The following ATG7 variants were observed in gnomAD, a reference collection of about 807,000 sequenced individuals.
ATG7 encodes the protein ubiquitin-like modifier-activating enzyme ATG7.
A neutral mutation model predicts 82.4 loss-of-function variants in ATG7; 70 were observed. The observed-to-expected ratio is 0.85, with a 90% CI of 0.70 to 1.04. The LOEUF (loss-of-function observed/expected upper bound fraction) is 1.04. Ranked by LOEUF, ATG7 falls within the 50% of genes least tolerant of loss-of-function variation. The pLI, the probability that ATG7 is intolerant of heterozygous loss-of-function variation, is 0.00. For missense variants in ATG7, 792 were observed against 864.3 expected (o/e 0.92, Z 1.05); for synonymous variants, 287 against 313.0 (o/e 0.92, Z 0.88).
intron 19 of ATG7, among the ~76,000 whole-genome samples, chr3:11,382,559 G>A (rs934437947): frequency 2.6e-5 from 4 of 152,194 alleles, no homozygotes; most frequent in Non-Finnish European, 4.4e-5. Context: ...TTTCTAAACA[G>A]ATGGTATTTG....
At chr3:11,303,917 CAAAAAAA>C (rs55893689) in intron 5 of ATG7, among the ~76,000 whole-genome samples, 3 of 75,890 alleles carry the variant, frequency 4.0e-5, no homozygotes, top group African/African-American at 1.5e-4. Flanking sequence ...ACTAAAAATG[CAAAAAAA>C]AAAAAAAAAA....
intron 18 of ATG7, among the ~76,000 whole-genome samples, chr3:11,369,894 C>T (rs1575765687): frequency 6.6e-6 from 1 of 151,200 alleles, no homozygotes; most frequent in East Asian, 1.9e-4. Flanking sequence ...TCATACAGAT[C>T]TGATTAGAAC....
Position 11,555,588 on chromosome 3 carries a change from G to A in ATG7, c.*745G>A, listed in dbSNP as rs2072327691. 1 of 152,240 alleles carries A rather than the reference G, an allele frequency of 6.6e-6. No homozygotes were observed. The highest frequency in any genetic ancestry group is 1.5e-5 in the Non-Finnish European group (1 of 68,206). 9.4% of individuals were successfully genotyped at this position (152,240 alleles called of 1,614,324 possible). A position where few individuals can be genotyped will look rare whatever the true frequency, so the allele number is the denominator to read the frequency against. The stretch of plus-strand genomic sequence containing the variant: ...GCAGATCCTGGCAGCTGCCTGGATG[G>A]GGCTCCTCCCTGCCCTTATGAGCAG... On this transcript the variant is annotated 3_prime_UTR_variant, in exon 21 of 21. Coordinates refer to ENST00000693202, the MANE Select transcript of ATG7 (RefSeq NM_001349232.2).
In ATG7 at chr3:11,555,631, C is replaced by G. The variant is rs963437664; in HGVS notation, c.*788C>G. The G allele has an allele frequency of 6.6e-6, 1 of 152,120 alleles. No individual in the cohort carries two copies. The highest frequency in any genetic ancestry group is 1.5e-5 in the Non-Finnish European group (1 of 68,062). The allele number at this position is 152,120 out of a possible 1,614,324, so 9.4% of individuals were successfully genotyped here. A position where few individuals can be genotyped will look rare whatever the true frequency, so the allele number is the denominator to read the frequency against. On this transcript the variant is annotated 3_prime_UTR_variant, in exon 21 of 21. Coordinates refer to ENST00000693202, the MANE Select transcript of ATG7 (RefSeq NM_001349232.2). ...ATGAGCAGGCCAGGCCCAGAAAGGCCGAGCCTGGGCTGCCTTCCTGCCCCA... is the reference window on the plus strand; with the variant it reads ...ATGAGCAGGCCAGGCCCAGAAAGGCGGAGCCTGGGCTGCCTTCCTGCCCCA...
chr3:11,423,370 G>A (rs190663608), intron 19 of ATG7, among the ~76,000 whole-genome samples: 3 of 152,194 alleles, frequency 2.0e-5, no homozygotes, highest in African/African-American at 7.2e-5. Flanking sequence ...TTGAAATATT[G>A]TGAGAATTAC....
chr3:11,505,010 A>G (rs138511862), intron 20 of ATG7, among the ~76,000 whole-genome samples: 294 of 152,344 alleles, frequency 1.9e-3, no homozygotes, highest in African/African-American at 6.6e-3. Context: ...GAAAAGATCG[A>G]GAAGTCAAGA....
At chr3:11,452,918 A>C (rs560533621) in intron 20 of ATG7, among the ~76,000 whole-genome samples, 1 of 152,236 alleles carries the variant, frequency 6.6e-6, no homozygotes, top group Non-Finnish European at 1.5e-5. Context: ...ATTGTGTGCC[A>C]GTTCCTATCT....
intron 19 of ATG7, among the ~76,000 whole-genome samples, chr3:11,418,369 C>G (rs1047103194): frequency 3.3e-5 from 5 of 151,948 alleles, no homozygotes; most frequent in Admixed American, 1.3e-4. Flanking sequence ...TATCTCAGCT[C>G]CCCCAAAGTG....
At chr3:11,528,494 A>T (rs1015532144) in intron 20 of ATG7, among the ~76,000 whole-genome samples, 2 of 152,204 alleles carry the variant, frequency 1.3e-5, no homozygotes, top group Non-Finnish European at 2.9e-5. Flanking sequence ...ACAGTCTGAC[A>T]TAGAGTCTAC....
intron 20 of ATG7, among the ~76,000 whole-genome samples, chr3:11,436,830 C>G (rs1346522246): frequency 6.6e-6 from 1 of 152,136 alleles, no homozygotes; most frequent in Non-Finnish European, 1.5e-5. Flanking sequence ...ATTGTAGGAT[C>G]TCATTTATGT....
chr3:11,467,830 C>G (rs1371973290), intron 20 of ATG7, among the ~76,000 whole-genome samples: 1 of 152,236 alleles, frequency 6.6e-6, no homozygotes, highest in African/African-American at 2.4e-5. Flanking sequence ...CTTTATATGT[C>G]TTGCCTAACA....
chr3:11,299,759 G>A (rs143619900), intron 5 of ATG7, among the ~76,000 whole-genome samples: 5 of 152,092 alleles, frequency 3.3e-5, no homozygotes, highest in African/African-American at 7.2e-5. Flanking sequence ...TAGTCCATGG[G>A]CATTGTCCAT....
At chr3:11,334,354 C>T (rs1006802613) in intron 11 of ATG7, among the ~76,000 whole-genome samples, 7 of 151,962 alleles carry the variant, frequency 4.6e-5, no homozygotes, top group Non-Finnish European at 1.0e-4. Context: ...AAGTGATTCT[C>T]CCTCCTCGGC....
At position 11,519,539 on chromosome 3, in the gene ATG7, GTTTTTTTTTTTTTTTTTTTTTTTT is replaced by G. The variant is rs574523805; in HGVS notation, c.2080-35257_2080-35234del. On this transcript the variant is annotated intron_variant, in intron 20 of 20. Transcript: ENST00000693202. ...TCATGAAAGGCAGGCAGTGAGAGGA[GTTTTTTTTTTTTTTTTTTTTTTTT>G]TTTTTTTTTTTTTTGAGACGGAGTC... 2.9e-4 allele frequency among the ~76,000 whole-genome samples: 18 copies of G among 62,210 alleles called. 1 individual carries two copies. The South Asian group carries it at 8.0e-3, about 28-fold the overall frequency. The allele number at this position is 62,210 out of a possible 152,430, so 40.8% of individuals were successfully genotyped here.
Position 11,422,740 on chromosome 3 carries a change from C to CT in ATG7, c.1957-4035dup, listed in dbSNP as rs557755646. ...CCTCACTATGCTTAATCATTTCTAG[C>CT]TTTTTTTTTTTTTTTTTTTTTTTTT... On this transcript the variant is annotated intron_variant, in intron 19 of 20. Coordinates refer to ENST00000693202, the MANE Select transcript of ATG7 (RefSeq NM_001349232.2). Among the ~76,000 whole-genome samples the CT allele has an allele frequency of 6.9e-3, 344 of 49,530 alleles. 94 individuals carry two copies. The highest frequency in any genetic ancestry group is 0.022 in the African/African-American group (214 of 9,858). The allele number at this position is 49,530 out of a possible 152,430, so 32.5% of individuals were successfully genotyped here.
chr3:11,435,452 T>A (rs1431456266), intron 20 of ATG7, among the ~76,000 whole-genome samples: 1 of 152,206 alleles, frequency 6.6e-6, no homozygotes, highest in Admixed American at 6.5e-5. Flanking sequence ...CTTCCGAAGA[T>A]GAGTTCCAAA....
At chr3:11,511,020 G>T (rs1172057690) in intron 20 of ATG7, among the ~76,000 whole-genome samples, 1 of 152,198 alleles carries the variant, frequency 6.6e-6, no homozygotes, top group Non-Finnish European at 1.5e-5. Flanking sequence ...TCTTCCTTCT[G>T]GTGGGTTCGT....
chr3:11,511,193 C>T (rs550517394), intron 20 of ATG7, among the ~76,000 whole-genome samples: 59 of 152,312 alleles, frequency 3.9e-4, no homozygotes, highest in African/African-American at 1.4e-3. Context: ...GTTGCCAATG[C>T]TGGCTCAGGC....
intron 3 of ATG7, among the ~76,000 whole-genome samples, chr3:11,296,982 G>T (rs922990228): frequency 1.3e-5 from 2 of 152,146 alleles, no homozygotes; most frequent in African/African-American, 4.8e-5. Flanking sequence ...CAACAAGTTT[G>T]GAAAACTGAA....
Sources: gnomAD v4.1 joint callset for allele counts (sites outside exome capture counted in the v4.1 genomes callset) on GRCh38, gnomAD v4.1.1 for gene constraint, MANE v1.5 for transcripts, NCBI Gene and HGNC (gene_info 2026-07-23, HGNC 2026-07-21) for gene names.